Variants in EIF4A3 observed in about 807,000 individuals in gnomAD.
EIF4A3 encodes the protein eukaryotic translation initiation factor 4A3.
Under a neutral mutation model 55.6 loss-of-function variants are expected in EIF4A3, and 1 was observed. The ratio of observed to expected loss-of-function variants is 0.02; its 90% CI spans 0.01 to 0.09. The LOEUF (loss-of-function observed/expected upper bound fraction) is 0.09, where lower values mean the gene tolerates loss of function less well. Ranked by LOEUF, EIF4A3 falls within the 10% of genes least tolerant of loss-of-function variation. EIF4A3 has a pLI of 1.00. For synonymous variants in EIF4A3, 194 were observed against 196.3 expected (o/e 0.99, Z 0.10); for missense variants, 221 against 540.7 (o/e 0.41, Z 5.86).
intron 9 of EIF4A3, 42 bp from the exon 10 acceptor site, chr17:80,136,377 A>C (rs768687670): frequency 1.3e-6 from 2 of 1,530,710 alleles, no homozygotes; most frequent in Non-Finnish European, 1.8e-6. Context: ...AATTACTCAT[A>C]CAAGTGTAAG....
intron 4 of EIF4A3, among the ~76,000 whole-genome samples, chr17:80,141,041 C>A: frequency 6.6e-6 from 1 of 152,110 alleles, no homozygotes; most frequent in Non-Finnish European, 1.5e-5. Context: ...AGGTGATCCA[C>A]CCACCTCGAC....
intron 2 of EIF4A3, among the ~76,000 whole-genome samples, chr17:80,143,302 T>C (rs1430208855): frequency 2.0e-5 from 3 of 152,148 alleles, no homozygotes; most frequent in Non-Finnish European, 4.4e-5. Context: ...AATAAACCAC[T>C]AAATGTGTTT....
chr17:80,143,702 G>C (rs950420078), intron 2 of EIF4A3, among the ~76,000 whole-genome samples: 4 of 152,194 alleles, frequency 2.6e-5, no homozygotes, highest in African/African-American at 9.7e-5. Context: ...GCCTTGGCCG[G>C]GCGCAGTAAC....
intron 4 of EIF4A3, 125 bp from the exon 5 acceptor site, chr17:80,140,265 C>G (rs908147013): frequency 3.4e-6 from 4 of 1,188,184 alleles, no homozygotes; most frequent in Middle Eastern, 3.1e-4. Flanking sequence ...TATCTCGAAA[C>G]CACAAAATTC....
Position 80,147,012 on chromosome 17 carries a change from C to T in EIF4A3, c.-51G>A. ...GCGCGCGCCGCTGCCGACCTCGCTG[C>T]CGCTGCCGACCTCGCTGTGCCGCTG... On this transcript the variant is annotated 5_prime_UTR_variant, in exon 1 of 12. Transcript: ENST00000649764. 7.2e-7 allele frequency: 1 copy of T among 1,395,636 alleles called. No individual in the cohort carries two copies. The highest frequency in any genetic ancestry group is 9.4e-7 in the Non-Finnish European group (1 of 1,061,930). 86.5% of individuals were successfully genotyped at this position (1,395,636 alleles called of 1,614,324 possible).
chr17:80,139,918 G>T, intron 5 of EIF4A3, 90 bp downstream of exon 5: 1 of 1,550,568 alleles, frequency 6.4e-7, no homozygotes, highest in Non-Finnish European at 8.7e-7. Flanking sequence ...TCTACCGTGC[G>T]GCCTACCAAA....
chr17:80,138,087 G>A, intron 8 of EIF4A3, 55 bp downstream of exon 8: 1 of 1,583,282 alleles, frequency 6.3e-7, no homozygotes, highest in South Asian at 1.1e-5. Flanking sequence ...ATGTCATTCA[G>A]AGACTCAATC....
In EIF4A3 at chr17:80,134,580, T is replaced by G. The variant is rs1257945022; in HGVS notation, c.*910A>C. 6.6e-6 allele frequency among the ~76,000 whole-genome samples: 1 copy of G among 151,884 alleles called. No individual in the cohort carries two copies. The highest frequency in any genetic ancestry group is 1.5e-5 in the Non-Finnish European group (1 of 67,970). On this transcript the variant is annotated 3_prime_UTR_variant, in exon 12 of 12. Transcript: ENST00000649764. ...GGCTCACACCTGTTATCCCAGCACT[T>G]TGTAAGGCCAAGATGGGAGAATCAC... is the stretch of plus-strand genomic sequence containing the variant.
In EIF4A3 at chr17:80,136,138, G is replaced by C. The variant is rs1173802662; in HGVS notation, c.1092-7C>G. The C allele has an allele frequency of 1.2e-6, 2 of 1,613,700 alleles. No individual in the cohort carries two copies. The highest frequency in any genetic ancestry group is 3.3e-5 in the Admixed American group (2 of 59,942). ...TCGACCTGATCTCCCAATTCTTCAG[G>C]AATAAAATAATATTACAGTTAGTAT... On this transcript the variant is annotated splice_region_variant and splice_polypyrimidine_tract_variant and intron_variant, in intron 10 of 11. Coordinates refer to ENST00000649764, the MANE Select transcript of EIF4A3 (RefSeq NM_014740.4).
chr17:80,136,755 C>T (rs2039573837), intron 9 of EIF4A3: 1 of 158,134 alleles, frequency 6.3e-6, no homozygotes, highest in African/African-American at 2.5e-5. Flanking sequence ...CACCTGAGGT[C>T]AGGAGTTCGA....
intron 1 of EIF4A3, among the ~76,000 whole-genome samples, chr17:80,144,912 C>T (rs952834389): frequency 1.3e-5 from 2 of 152,184 alleles, no homozygotes; most frequent in Non-Finnish European, 2.9e-5. Flanking sequence ...AGAAGAACCA[C>T]GTGTTTTTCA....
At chr17:80,141,046 C>T (rs2039613910) in intron 4 of EIF4A3, among the ~76,000 whole-genome samples, 2 of 152,118 alleles carry the variant, frequency 1.3e-5, no homozygotes, top group Non-Finnish European at 2.9e-5. Flanking sequence ...ATCCACCCAC[C>T]TCGACCTAAT....
chr17:80,138,118 T>C (rs149634224), intron 8 of EIF4A3, 24 bp downstream of exon 8: 252 of 1,607,374 alleles, frequency 1.6e-4, no homozygotes, highest in Non-Finnish European at 2.0e-4. Context: ...CTTCAGCACA[T>C]GGATGCTGTG....
intron 3 of EIF4A3, 43 bp downstream of exon 3, chr17:80,141,739 T>C (rs889169314): frequency 5.1e-6 from 8 of 1,566,774 alleles, no homozygotes; most frequent in African/African-American, 1.4e-5. Flanking sequence ...AGCAAGTATT[T>C]CCTAGAATTA....
At position 80,135,350 on chromosome 17, in the gene EIF4A3, C is replaced by T; in HGVS notation, c.*140G>A. ...AAAGAGAGCAGAATCCCCATATCCT[C>T]TTCAAAGGAAGGGAGACGGCAGGCC... On this transcript the variant is annotated 3_prime_UTR_variant, in exon 12 of 12. Transcript: ENST00000649764. 1 of 865,850 alleles carries T rather than the reference C, an allele frequency of 1.2e-6. No homozygotes were observed. Among genetic ancestry groups the T allele is most frequent in the South Asian group, 2.0e-5 (1 of 49,650 alleles). 53.6% of individuals were successfully genotyped at this position (865,850 alleles called of 1,614,324 possible).
At chr17:80,139,794 T>C (rs1291688241) in intron 5 of EIF4A3, 44 bp from the exon 6 acceptor site, 2 of 1,590,652 alleles carry the variant, frequency 1.3e-6, no homozygotes, top group Admixed American at 1.7e-5. Context: ...ATCACATCTA[T>C]GAGATTTTGA....
chr17:80,137,583 G>T, intron 8 of EIF4A3, 82 bp from the exon 9 acceptor site: 1 of 1,034,970 alleles, frequency 9.7e-7, no homozygotes, highest in Non-Finnish European at 1.4e-6. Context: ...CGCATCATTT[G>T]CAGAACCAGT....
chr17:80,135,469 T>C lies in EIF4A3; in HGVS notation c.*21A>G, dbSNP rs1371271106. The C allele has an allele frequency of 2.6e-6, 4 of 1,555,442 alleles. No individual in the cohort carries two copies. Among genetic ancestry groups the C allele is most frequent in the Non-Finnish European group, 3.5e-6 (4 of 1,149,106 alleles). ...GTACACAGCAGGTGAACAGTCTCCCTCATCCCACTGATCTGCTGCTTCAGA... is the reference window on the plus strand; with the variant it reads ...GTACACAGCAGGTGAACAGTCTCCCCCATCCCACTGATCTGCTGCTTCAGA... On this transcript the variant is annotated 3_prime_UTR_variant, in exon 12 of 12. Transcript: ENST00000649764.
intron 1 of EIF4A3, among the ~76,000 whole-genome samples, chr17:80,146,296 C>T (rs577652855): frequency 4.6e-5 from 7 of 152,090 alleles, no homozygotes; most frequent in Non-Finnish European, 8.8e-5. Flanking sequence ...CCCCCTCCTG[C>T]GAACCCCCTT....
Sources: gnomAD v4.1 joint callset for allele counts (sites outside exome capture counted in the v4.1 genomes callset) on GRCh38, gnomAD v4.1.1 for gene constraint, MANE v1.5 for transcripts, NCBI Gene and HGNC (gene_info 2026-07-23, HGNC 2026-07-21) for gene names.